Variants in TMEM131L observed in about 807,000 individuals in gnomAD.
The protein encoded by TMEM131L is transmembrane 131 like.
Under a neutral mutation model 192.2 loss-of-function variants are expected in TMEM131L, and 54 were observed. The ratio of observed to expected loss-of-function variants is 0.28; its 90% CI spans 0.23 to 0.35. The LOEUF is 0.35. TMEM131L is among the 10% of genes least tolerant of loss of function. The pLI is 1.00. For synonymous variants in TMEM131L, 701 were observed against 704.9 expected (o/e 0.99, Z 0.09); for missense variants, 1,888 against 1,972.9 (o/e 0.96, Z 0.82).
chr4:153,512,006 CTT>C (rs1734390300), intron 3 of TMEM131L, among the ~76,000 whole-genome samples: 1 of 152,094 alleles, frequency 6.6e-6, no homozygotes, highest in Non-Finnish European at 1.5e-5. Flanking sequence ...GACTTTCAAA[CTT>C]TAACAAGATG....
At chr4:153,613,070 A>T (rs1014030216) in intron 26 of TMEM131L, among the ~76,000 whole-genome samples, 34 of 152,206 alleles carry the variant, frequency 2.2e-4, no homozygotes, top group Admixed American at 1.9e-3. Flanking sequence ...AGAGAATGGA[A>T]ATGTAAACAA....
intron 3 of TMEM131L, among the ~76,000 whole-genome samples, chr4:153,534,863 C>T (rs1736193530): frequency 6.6e-6 from 1 of 152,202 alleles, no homozygotes; most frequent in Non-Finnish European, 1.5e-5. Flanking sequence ...GGGATATTCC[C>T]AGTGAAGCCA....
At chr4:153,521,775 A>G (rs1378271720) in intron 3 of TMEM131L, among the ~76,000 whole-genome samples, 1 of 151,548 alleles carries the variant, frequency 6.6e-6, no homozygotes, top group African/African-American at 2.4e-5. Flanking sequence ...AGGGAGAATC[A>G]TACGTTACTT....
chr4:153,574,156 G>A (rs774100261), intron 7 of TMEM131L, among the ~76,000 whole-genome samples: 2 of 152,100 alleles, frequency 1.3e-5, no homozygotes, highest in African/African-American at 2.4e-5. Flanking sequence ...AAAATGATGT[G>A]GATAAGGAAA....
intron 3 of TMEM131L, among the ~76,000 whole-genome samples, chr4:153,530,456 G>T (rs1561163382): frequency 6.6e-6 from 1 of 152,084 alleles, no homozygotes; most frequent in South Asian, 2.1e-4. Context: ...ATAGAAAAAC[G>T]CCCAAAGGAA....
intron 3 of TMEM131L, among the ~76,000 whole-genome samples, chr4:153,538,448 C>T (rs578209256): frequency 6.6e-6 from 1 of 152,292 alleles, no homozygotes; most frequent in South Asian, 2.1e-4. Context: ...TGGGTTTTCC[C>T]AGTGAAAGAC....
rs753771022 is a variant in TMEM131L, at chr4:153,612,389, C to A, written c.3556C>A (p.Pro1186Thr). The change falls in exon 26 of 35, where the codon CCT becomes ACT. Residue 1186 changes from proline to threonine, a missense_variant. Physicochemically the swap from Pro to Thr is conservative, Grantham distance 38. Transcript: ENST00000409959. Reference protein sequence around the residue: ...EDMFSEKQDIPFVEQEDPYRK... With the variant: ...EDMFSEKQDITFVEQEDPYRK... Reference sequence around the variant, plus strand: ...CATGTTTTCTGAGAAACAGGACATACCTTTCGTAGAGGTCTGTATTTTTTT... The same window carrying A: ...CATGTTTTCTGAGAAACAGGACATAACTTTCGTAGAGGTCTGTATTTTTTT... 8.2e-6 allele frequency: 13 copies of A among 1,590,972 alleles called. No homozygotes were observed. The South Asian group carries it at 1.4e-4, about 18-fold the overall frequency.
chr4:153,614,247 G>T (rs115037307), intron 26 of TMEM131L, among the ~76,000 whole-genome samples: 2 of 152,180 alleles, frequency 1.3e-5, no homozygotes, highest in Admixed American at 1.3e-4. Flanking sequence ...CTCCTAGGTC[G>T]GAAGGCCATT....
chr4:153,533,676 T>A (rs1016901985), intron 3 of TMEM131L, among the ~76,000 whole-genome samples: 26 of 152,204 alleles, frequency 1.7e-4, no homozygotes, highest in Non-Finnish European at 2.1e-4. Context: ...CTTACAGTCC[T>A]GTTTGAGCAT....
At chr4:153,594,541 T>G (rs1385082007) in intron 19 of TMEM131L, among the ~76,000 whole-genome samples, 1 of 152,256 alleles carries the variant, frequency 6.6e-6, no homozygotes, top group African/African-American at 2.4e-5. Flanking sequence ...GTGGAGCATC[T>G]GTTGACAAAA....
intron 16 of TMEM131L, among the ~76,000 whole-genome samples, chr4:153,589,527 C>T (rs748368245): frequency 7.9e-5 from 12 of 152,122 alleles, no homozygotes; most frequent in Admixed American, 2.0e-4. Context: ...GAACTTTCAT[C>T]ATGCTACTCA....
At chr4:153,501,416 G>C (rs1733601636) in intron 3 of TMEM131L, among the ~76,000 whole-genome samples, 1 of 152,010 alleles carries the variant, frequency 6.6e-6, no homozygotes, top group African/African-American at 2.4e-5. Flanking sequence ...TAGCCAGGAT[G>C]GTCTCGATCG....
intron 23 of TMEM131L, 87 bp downstream of exon 23, chr4:153,602,814 A>G: frequency 4.3e-6 from 5 of 1,165,528 alleles, no homozygotes. Context: ...GCCCGAGTGT[A>G]GTCAAAGTAT....
intron 7 of TMEM131L, among the ~76,000 whole-genome samples, chr4:153,579,455 A>G (rs971032918): frequency 2.0e-5 from 3 of 152,212 alleles, no homozygotes; most frequent in Non-Finnish European, 2.9e-5. Flanking sequence ...GTTTGGTCCC[A>G]TTTACAAACT....
chr4:153,598,642 G>C lies in TMEM131L; in HGVS notation c.2176G>C (p.Glu726Gln). 1 of 1,613,912 alleles carries C rather than the reference G, an allele frequency of 6.2e-7. No homozygotes were observed. The highest frequency in any genetic ancestry group is 8.5e-7 in the Non-Finnish European group (1 of 1,179,850). Reference sequence around the variant, plus strand: ...TGGCGTGGAAGGATTTGGAGCAAGAGAGTTATTAAAAGTGGGTGGAAGACT... The same window carrying C: ...TGGCGTGGAAGGATTTGGAGCAAGACAGTTATTAAAAGTGGGTGGAAGACT... ...MIGVEGFGARELLKVGGRLPG... is the reference protein window; with the variant it reads ...MIGVEGFGARQLLKVGGRLPG... The change falls in exon 21 of 35, where the codon GAG (glutamate) becomes CAG (glutamine). Residue 726 changes from glutamate to glutamine, a missense_variant. Glu to Gln is a conservative substitution (Grantham distance 29). Transcript: ENST00000409959.
At chr4:153,551,317 C>T (rs1378507808) in intron 4 of TMEM131L, among the ~76,000 whole-genome samples, 1 of 151,864 alleles carries the variant, frequency 6.6e-6, no homozygotes, top group Non-Finnish European at 1.5e-5. Context: ...CCCTTCTAAT[C>T]ATCAAAATGT....
intron 3 of TMEM131L, among the ~76,000 whole-genome samples, chr4:153,474,528 T>C (rs1209119229): frequency 6.6e-6 from 1 of 152,202 alleles, no homozygotes; most frequent in Non-Finnish European, 1.5e-5. Context: ...TGTAGTCCTT[T>C]AGAAGTCGCA....
intron 3 of TMEM131L, among the ~76,000 whole-genome samples, chr4:153,528,103 A>T (rs1032414884): frequency 4.6e-5 from 7 of 152,326 alleles, no homozygotes; most frequent in African/African-American, 1.7e-4. Flanking sequence ...TCTGAAATAA[A>T]GAGGAAAATA....
In TMEM131L at chr4:153,615,717, C is replaced by G. The variant is rs1391542791; in HGVS notation, c.3567+3317C>G. ...TGAAGTAGAAACTGATGCTGCCATG[C>G]ACTGACTCCAGCAGATACATAGCGT... On this transcript the variant is annotated intron_variant, in intron 26 of 34. Coordinates refer to ENST00000409959, the MANE Select transcript of TMEM131L (RefSeq NM_001131007.2). Among the ~76,000 whole-genome samples, 7 of 152,284 alleles carry G rather than the reference C, an allele frequency of 4.6e-5. No homozygotes were observed. In the East Asian group the frequency reaches 1.3e-3, roughly 29 times the overall value.
Sources: allele counts gnomAD v4.1 joint callset (sites outside exome capture counted in the v4.1 genomes callset), GRCh38; gene constraint gnomAD v4.1.1; transcripts MANE v1.5; gene names NCBI Gene and HGNC (gene_info 2026-07-23, HGNC 2026-07-21).